The following COLEC12 variants were observed in gnomAD, a reference collection of about 807,000 sequenced individuals.
The protein encoded by COLEC12 is collectin subfamily member 12.
Under a neutral mutation model 71.1 loss-of-function variants are expected in COLEC12, and 33 were observed. The observed-to-expected ratio is 0.46, with a 90% CI of 0.35 to 0.62. The LOEUF (loss-of-function observed/expected upper bound fraction) is 0.62. Ranked by LOEUF, COLEC12 falls within the 20% of genes least tolerant of loss-of-function variation. The probability of loss-of-function intolerance (pLI) is 0.00; values close to 1 mark genes in which losing one functional copy is unlikely to be tolerated. For missense variants in COLEC12, 765 were observed against 916.1 expected, an observed-to-expected ratio of 0.84 and a Z score of 2.13; for synonymous variants, 350 against 353.0, an observed-to-expected ratio of 0.99 and a Z score of 0.10.
chr18:391,235 CAGG>C (rs1458684974), intron 2 of COLEC12, among the ~76,000 whole-genome samples: 2 of 152,152 alleles, frequency 1.3e-5, no homozygotes, highest in Non-Finnish European at 2.9e-5. Context: ...AAAAGAGACT[CAGG>C]AGATTACACA....
At chr18:373,001 T>TAGTTAG (rs1915034093) in intron 2 of COLEC12, among the ~76,000 whole-genome samples, 1 of 152,104 alleles carries the variant, frequency 6.6e-6, no homozygotes, top group South Asian at 2.1e-4. Flanking sequence ...GTGTGTATTC[T>TAGTTAG]AGTTAGAGAG....
intron 2 of COLEC12, among the ~76,000 whole-genome samples, chr18:382,095 TG>T (rs1915245738): frequency 6.6e-6 from 1 of 152,150 alleles, no homozygotes; most frequent in South Asian, 2.1e-4. Context: ...ATGGCGGAGT[TG>T]GAACAGTATT....
At chr18:381,717 T>A (rs1191504587) in intron 2 of COLEC12, among the ~76,000 whole-genome samples, 1 of 152,168 alleles carries the variant, frequency 6.6e-6, no homozygotes, top group Non-Finnish European at 1.5e-5. Flanking sequence ...AAGGAAAAAA[T>A]GGAAACTTTT....
chr18:366,410 C>T (rs769145156), intron 2 of COLEC12, among the ~76,000 whole-genome samples: 4 of 152,148 alleles, frequency 2.6e-5, no homozygotes, highest in South Asian at 2.1e-4. Context: ...TTCCCTGAAA[C>T]GCTCTTCCCT....
At chr18:331,460 A>G (rs577046666) in intron 8 of COLEC12, among the ~76,000 whole-genome samples, 12 of 152,348 alleles carry the variant, frequency 7.9e-5, no homozygotes, top group African/African-American at 2.6e-4. Flanking sequence ...CTCCATGAAA[A>G]GAAGAAAGGA....
intron 2 of COLEC12, among the ~76,000 whole-genome samples, chr18:401,510 T>C (rs539803081): frequency 1.4e-4 from 20 of 141,102 alleles, no homozygotes; most frequent in Admixed American, 2.9e-4. Context: ...TGTGAAAGTA[T>C]AATTATTATC....
intron 2 of COLEC12, among the ~76,000 whole-genome samples, chr18:469,826 C>T (rs991577256): frequency 6.6e-6 from 1 of 152,124 alleles, no homozygotes; most frequent in Non-Finnish European, 1.5e-5. Context: ...GATGAGGCCT[C>T]ACTGCCAGCA....
intron 2 of COLEC12, among the ~76,000 whole-genome samples, chr18:446,738 A>C (rs1916661671): frequency 6.6e-6 from 1 of 152,104 alleles, no homozygotes; most frequent in African/African-American, 2.4e-5. Context: ...CTTACTGTAC[A>C]ATTAGCATTT....
chr18:470,436 T>C (rs1169734465), intron 2 of COLEC12, among the ~76,000 whole-genome samples: 3 of 151,736 alleles, frequency 2.0e-5, no homozygotes, highest in Non-Finnish European at 4.4e-5. Context: ...GGTTTCACCA[T>C]GTTGGCCAGG....
At chr18:434,625 G>A (rs936171101) in intron 2 of COLEC12, among the ~76,000 whole-genome samples, 2 of 152,194 alleles carry the variant, frequency 1.3e-5, no homozygotes, top group African/African-American at 4.8e-5. Context: ...CCTGCCTGGA[G>A]TGATGCAATG....
In COLEC12 at chr18:392,286, G is replaced by A. The variant is rs985641280; in HGVS notation, c.59-34764C>T. ...AATTCACTACTCTTCTGGATAACTC[G>A]CCTGAACCTTGAAAGGTAAAAAATA... On this transcript the variant is annotated intron_variant, in intron 2 of 9. Coordinates refer to ENST00000400256, the MANE Select transcript of COLEC12 (RefSeq NM_130386.3). 4.6e-5 allele frequency among the ~76,000 whole-genome samples: 7 copies of A among 152,188 alleles called. No individual in the cohort carries two copies. The South Asian group carries it at 6.2e-4, about 14-fold the overall frequency.
chr18:440,940 C>T (rs747871795), intron 2 of COLEC12, among the ~76,000 whole-genome samples: 2 of 152,040 alleles, frequency 1.3e-5, no homozygotes, highest in Non-Finnish European at 2.9e-5. Flanking sequence ...CTCCCTACAG[C>T]GGGGCTTAGT....
intron 2 of COLEC12, among the ~76,000 whole-genome samples, chr18:368,675 T>TTA (rs1395390358): frequency 5.9e-5 from 9 of 151,478 alleles, no homozygotes; most frequent in Non-Finnish European, 1.0e-4. Context: ...CCAGCCTGGC[T>TTA]AACATGGTGA....
chr18:333,378 GTTC>G (rs1054287137), intron 6 of COLEC12: 13 of 411,124 alleles, frequency 3.2e-5, no homozygotes, highest in Non-Finnish European at 5.2e-5. Context: ...CTGGGTCTTT[GTTC>G]TTCTGTGTCT....
chr18:483,746 G>C (rs73358567), intron 1 of COLEC12, among the ~76,000 whole-genome samples: 1 of 152,120 alleles, frequency 6.6e-6, no homozygotes. Flanking sequence ...GTAATCTGTC[G>C]TGTTAATGGC....
intron 2 of COLEC12, among the ~76,000 whole-genome samples, chr18:366,335 C>T (rs1210426827): frequency 6.6e-6 from 1 of 152,176 alleles, no homozygotes; most frequent in African/African-American, 2.4e-5. Flanking sequence ...CAGGCACCTG[C>T]ATAGCTATGG....
chr18:331,772 C>T lies in COLEC12; in HGVS notation c.1959G>A (p.Trp653Ter). 1 of 1,608,944 alleles carries T rather than the reference C, an allele frequency of 6.2e-7. No individual in the cohort carries two copies. ...CTCTCCCTACCATCTGTTTTTTTAT[C>T]CATTGCTGAAAAACAAAGCAGGGGT... ...VFINTREEQQ[W>*]IKKQMVGRES... Residue 653 changes from tryptophan (W) to a stop codon, truncating the protein, a stop_gained, in exon 8 of 10, where the codon TGG (tryptophan) becomes TGA (stop). Transcript: ENST00000400256. LOFTEE classifies it high-confidence loss of function.
In COLEC12 at chr18:346,232, A is replaced by T; in HGVS notation, c.1327+63T>A. ...TTATTGTTTTAAATTGCCAAGTTTT[A>T]GAGTAACTTGTTATGCAGCAATAAA... On this transcript the variant is annotated intron_variant, in intron 5 of 9. Transcript: ENST00000400256. This position sits in a 1 kb window ranked among gnomAD's most constrained non-coding sequence, Gnocchi z 4.0. 8.0e-7 allele frequency: 1 copy of T among 1,246,476 alleles called. No individual in the cohort carries two copies. The highest frequency in any genetic ancestry group is 1.1e-6 in the Non-Finnish European group (1 of 892,554). The allele number at this position is 1,246,476 out of a possible 1,614,324, so 77.2% of individuals were successfully genotyped here. A position where few individuals can be genotyped will look rare whatever the true frequency, so the allele number is the denominator to read the frequency against.
intron 2 of COLEC12, among the ~76,000 whole-genome samples, chr18:457,479 T>A (rs1256415805): frequency 2.0e-5 from 3 of 152,184 alleles, no homozygotes; most frequent in Non-Finnish European, 4.4e-5. Context: ...TGAAGGCAAG[T>A]ACAGTATTGA....
Sources: allele counts gnomAD v4.1 joint callset (sites outside exome capture counted in the v4.1 genomes callset), GRCh38; gene constraint gnomAD v4.1.1; non-coding constraint Gnocchi (gnomAD v3.1); transcripts MANE v1.5; gene names NCBI Gene and HGNC (gene_info 2026-07-23, HGNC 2026-07-21).